Variants in PODXL2 observed in about 807,000 individuals in gnomAD.
PODXL2 encodes podocalyxin like 2, also known as podocalyxin-like protein 2.
In PODXL2, 17 loss-of-function variants were observed where a neutral mutation model predicts 53.4. The observed-to-expected ratio is 0.32, with a 90% CI of 0.22 to 0.48. The LOEUF is 0.48. PODXL2 is among the 20% of genes least tolerant of loss of function. The pLI, the probability that PODXL2 is intolerant of heterozygous loss-of-function variation, is 0.99. For synonymous variants in PODXL2, 311 were observed against 306.7 expected, an observed-to-expected ratio of 1.01 and a Z score of -0.15; for missense variants, 673 against 760.0, an observed-to-expected ratio of 0.89 and a Z score of 1.35.
chr3:127,651,608 C>CT (rs2074689354), intron 2 of PODXL2, among the ~76,000 whole-genome samples: 2 of 152,238 alleles, frequency 1.3e-5, no homozygotes, highest in Non-Finnish European at 2.9e-5. Flanking sequence ...CTTCTCTAGA[C>CT]TCACCAGTGC....
rs757073772 is a variant in PODXL2, at chr3:127,672,367, C to T, written c.1705C>T (p.Pro569Ser). 9.0e-6 allele frequency: 14 copies of T among 1,548,922 alleles called. No individual in the cohort carries two copies. The highest frequency in any genetic ancestry group is 4.1e-5 in the African/African-American group (3 of 73,160). The change falls in exon 8 of 8, where the codon CCC becomes TCC. Residue 569 changes from proline to serine, a missense_variant. Pro to Ser is a moderately conservative substitution (Grantham distance 74). Around this residue, in one of 3 missense-constraint regions of PODXL2, gnomAD observed 79 missense variants for 70.5 expected, o/e 1.12. Transcript: ENST00000342480. ...DSQSEMQEKH[P>S]SLNGGGALNG... ...CCAGTCGGAGATGCAGGAGAAGCACCCCAGCCTGAACGGCGGCGGGGCCCT... is the reference window on the plus strand; with the variant it reads ...CCAGTCGGAGATGCAGGAGAAGCACTCCAGCCTGAACGGCGGCGGGGCCCT...
At chr3:127,647,581 C>T (rs2074664208) in intron 2 of PODXL2, among the ~76,000 whole-genome samples, 1 of 152,208 alleles carries the variant, frequency 6.6e-6, no homozygotes, top group African/African-American at 2.4e-5. Flanking sequence ...GAACGGGGGT[C>T]CAGGAACAGG....
At chr3:127,669,093 C>T (rs765078857) in intron 5 of PODXL2, 48 bp from the exon 6 acceptor site, 47 of 1,327,646 alleles carry the variant, frequency 3.5e-5, no homozygotes, top group South Asian at 2.8e-4. Context: ...TGGAGGGGCA[C>T]GCACCTCAGC....
chr3:127,665,863 GC>G, intron 4 of PODXL2: 1 of 435,896 alleles, frequency 2.3e-6, no homozygotes, highest in Non-Finnish European at 4.6e-6. Context: ...GACTTTCCTT[GC>G]CCCAGCCCCC....
intron 2 of PODXL2, among the ~76,000 whole-genome samples, chr3:127,645,883 G>T (rs2074654888): frequency 6.6e-6 from 1 of 152,172 alleles, no homozygotes; most frequent in South Asian, 2.1e-4. Flanking sequence ...GAAGGAGGTG[G>T]ATCACCTCTT....
Position 127,661,108 on chromosome 3 carries a change from A to T in PODXL2, c.1080A>T (p.Leu360=). 1.2e-6 allele frequency: 2 copies of T among 1,614,182 alleles called. No homozygotes were observed. The highest frequency in any genetic ancestry group is 1.7e-6 in the Non-Finnish European group (2 of 1,180,008). Residue 360 remains leucine (L), a synonymous_variant, in exon 3 of 8, where the codon CTA becomes CTT. Coordinates refer to ENST00000342480, the MANE Select transcript of PODXL2 (RefSeq NM_015720.4). ...LGQEDLNQQL[L]EGQAAEAQSR... The stretch of plus-strand genomic sequence containing the variant: ...AAGAAGATCTCAACCAGCAGCTCCT[A>T]GAAGGGCAGGCAGCTGAAGCTCAAT...
At chr3:127,649,300 C>G (rs2074674733) in intron 2 of PODXL2, among the ~76,000 whole-genome samples, 1 of 152,234 alleles carries the variant, frequency 6.6e-6, no homozygotes, top group Non-Finnish European at 1.5e-5. Flanking sequence ...GGGCAGTCCC[C>G]TGCCATGTGG....
chr3:127,631,780 T>A (rs1481575647), intron 1 of PODXL2, among the ~76,000 whole-genome samples: 1 of 152,168 alleles, frequency 6.6e-6, no homozygotes, highest in Non-Finnish European at 1.5e-5. Context: ...TAAATACCCA[T>A]TGCCAAGGCC....
Position 127,644,799 on chromosome 3 carries a change from A to T in PODXL2, c.349+5276A>T, listed in dbSNP as rs2074643059. ...GGAGATACCAATCACCCTACCCAGG[A>T]TGGGCAGAAGGCTAGGGAGGTGCAG... On this transcript the variant is annotated intron_variant, in intron 2 of 7. Coordinates refer to ENST00000342480, the MANE Select transcript of PODXL2 (RefSeq NM_015720.4). 2.0e-5 allele frequency among the ~76,000 whole-genome samples: 3 copies of T among 152,292 alleles called. No individual in the cohort carries two copies. The South Asian group carries it at 6.2e-4, about 32-fold the overall frequency.
At chr3:127,651,958 G>A (rs1160744278) in intron 2 of PODXL2, among the ~76,000 whole-genome samples, 2 of 152,200 alleles carry the variant, frequency 1.3e-5, no homozygotes, top group East Asian at 3.9e-4. Flanking sequence ...CCACTCTTGT[G>A]ATTCAAGCCC....
At chr3:127,656,600 T>C (rs913964319) in intron 2 of PODXL2, among the ~76,000 whole-genome samples, 7 of 151,180 alleles carry the variant, frequency 4.6e-5, no homozygotes, top group African/African-American at 1.7e-4. Flanking sequence ...CCGGGCGTGG[T>C]GGTGCATGCC....
intron 2 of PODXL2, among the ~76,000 whole-genome samples, chr3:127,656,106 ATTGCT>A (rs759890428): frequency 2.0e-5 from 3 of 152,354 alleles, no homozygotes; most frequent in East Asian, 3.9e-4. Flanking sequence ...GATGAAGACA[ATTGCT>A]TTGCTTGGCA....
intron 6 of PODXL2, among the ~76,000 whole-genome samples, 182 bp from the exon 7 acceptor site, chr3:127,671,252 G>A (rs992988261): frequency 6.6e-6 from 1 of 152,128 alleles, no homozygotes; most frequent in African/African-American, 2.4e-5. Flanking sequence ...CAGGTGTACT[G>A]AGGCAAACGG....
intron 1 of PODXL2, among the ~76,000 whole-genome samples, chr3:127,630,428 G>T (rs1270801609): frequency 2.0e-5 from 3 of 152,212 alleles, no homozygotes; most frequent in Admixed American, 6.5e-5. Context: ...GTGCATGTAG[G>T]AGTGTGTATG....
intron 1 of PODXL2, among the ~76,000 whole-genome samples, chr3:127,632,253 G>A (rs2074551786): frequency 6.6e-6 from 1 of 152,246 alleles, no homozygotes; most frequent in African/African-American, 2.4e-5. Context: ...AGAGTAGGGT[G>A]TAGACGGCAG....
chr3:127,631,595 A>G (rs753132062), intron 1 of PODXL2, among the ~76,000 whole-genome samples: 1 of 152,208 alleles, frequency 6.6e-6, no homozygotes, highest in Non-Finnish European at 1.5e-5. Context: ...AAGGAAATCA[A>G]TCACACGCAG....
intron 6 of PODXL2, 34 bp from the exon 7 acceptor site, chr3:127,671,400 C>T (rs746138125): frequency 5.6e-6 from 9 of 1,606,482 alleles, no homozygotes; most frequent in East Asian, 4.5e-5. Context: ...ACCCCAGGAC[C>T]TCAGCTGAGG....
intron 1 of PODXL2, among the ~76,000 whole-genome samples, chr3:127,635,097 A>G (rs2074568909): frequency 6.6e-6 from 1 of 152,088 alleles, no homozygotes; most frequent in African/African-American, 2.4e-5. Flanking sequence ...ATGGTTGTCT[A>G]CCCTAGAGAA....
At chr3:127,665,403 C>T (rs115613581) in intron 4 of PODXL2, among the ~76,000 whole-genome samples, 53 of 152,276 alleles carry the variant, frequency 3.5e-4, no homozygotes, top group African/African-American at 1.3e-3. Context: ...ACAGGAGTTC[C>T]AGGAGTTCAG....
Sources: gnomAD v4.1 joint callset for allele counts (sites outside exome capture counted in the v4.1 genomes callset) on GRCh38, gnomAD v4.1.1 for gene constraint, gnomAD v4.1.1 regional missense constraint, MANE v1.5 for transcripts, NCBI Gene and HGNC (gene_info 2026-07-23, HGNC 2026-07-21) for gene names.